Variants in DPY19L2 observed in about 807,000 individuals in gnomAD.
The protein encoded by DPY19L2 is probable C-mannosyltransferase DPY19L2.
In DPY19L2, 34 loss-of-function variants were observed where a neutral mutation model predicts 97.9. That is an observed-to-expected ratio of 0.35 (90% CI 0.26 to 0.46). The LOEUF (loss-of-function observed/expected upper bound fraction) is 0.46. Among genes scored for constraint, DPY19L2 ranks in the 20% least tolerant of loss-of-function variants. DPY19L2 has a pLI of 1.00. For synonymous variants in DPY19L2, 230 were observed against 307.9 expected (o/e 0.75, Z 2.65); for missense variants, 623 against 911.4 (o/e 0.68, Z 4.07).
intron 12 of DPY19L2, among the ~76,000 whole-genome samples, chr12:63,607,643 A>G (rs1886280543): frequency 6.6e-6 from 1 of 152,138 alleles, no homozygotes. Context: ...CTTTCAATAT[A>G]TAACATGTAA....
intron 16 of DPY19L2, among the ~76,000 whole-genome samples, chr12:63,592,750 C>T (rs1247063533): frequency 6.6e-6 from 1 of 151,466 alleles, no homozygotes; most frequent in Admixed American, 6.6e-5. Context: ...ATGTCTAAAA[C>T]ACCAAAAGCA....
rs140003085 is a variant in DPY19L2 at position 63,580,747 on chromosome 12, G to A, written c.1815C>T (p.Leu605=). 5.0e-6 allele frequency: 8 copies of A among 1,613,510 alleles called. No individual in the cohort carries two copies. The highest frequency in any genetic ancestry group is 5.9e-6 in the Non-Finnish European group (7 of 1,179,708). ...CTCCTATTATGCTCCATTGATTACG[G>A]AGGTTTGCATAACCTTGTATTGACA... The part of the protein sequence containing the change: ...TVMSIQGYAN[L]RNQWSIIGEF... Residue 605 remains leucine, a synonymous_variant, in exon 19 of 22, where the codon CTC becomes CTT. Transcript: ENST00000324472.
chr12:63,641,185 T>TGAGC (rs1189599601), intron 6 of DPY19L2, among the ~76,000 whole-genome samples: 6 of 152,086 alleles, frequency 3.9e-5, no homozygotes. Flanking sequence ...ATTACAGGAG[T>TGAGC]GAGCCACTGC....
chr12:63,617,225 T>A (rs1887989210), intron 11 of DPY19L2, 79 bp downstream of exon 11: 1 of 809,506 alleles, frequency 1.2e-6, no homozygotes, highest in Admixed American at 2.9e-5. Flanking sequence ...GCCTATTTAT[T>A]CTCTTATACC....
chr12:63,628,091 C>T (rs1481285082), intron 6 of DPY19L2, among the ~76,000 whole-genome samples: 4 of 152,082 alleles, frequency 2.6e-5, no homozygotes, highest in South Asian at 4.1e-4. Context: ...AGGGGTGGAG[C>T]CAAGATGGCC....
chr12:63,559,869 A>G lies in DPY19L2; in HGVS notation c.*643T>C, dbSNP rs1335458069. On this transcript the variant is annotated 3_prime_UTR_variant, in exon 22 of 22. Coordinates refer to ENST00000324472, the MANE Select transcript of DPY19L2 (RefSeq NM_173812.5). Reference sequence around the variant, plus strand: ...GATGGAGAACTAACCAGTGGCAAATATGTATCTAGTGGGGTAAACACATCT... The same window carrying G: ...GATGGAGAACTAACCAGTGGCAAATGTGTATCTAGTGGGGTAAACACATCT... 1 of 152,144 alleles carries G rather than the reference A, an allele frequency of 6.6e-6. No homozygotes were observed. Among genetic ancestry groups the G allele is most frequent in the Non-Finnish European group, 1.5e-5 (1 of 68,008 alleles). The allele number at this position is 152,144 out of a possible 1,614,324, so 9.4% of individuals were successfully genotyped here.
chr12:63,626,506 A>T lies in DPY19L2; in HGVS notation c.824T>A (p.Leu275His). The part of the protein sequence containing the change: ...AYLSGTQLGG[L>H]ITVLCFFFNH... ...GAAAAAGAAGCACAGTACTGTAATAAGACCTCCCAGTTGAGTCCCACTGTA... is the reference window on the plus strand; with the variant it reads ...GAAAAAGAAGCACAGTACTGTAATATGACCTCCCAGTTGAGTCCCACTGTA... Residue 275 changes from leucine (L) to histidine (H), a missense_variant, in exon 7 of 22, where the codon CTT becomes CAT. By Grantham distance (99) the Leu-to-His change is moderately conservative. Around this residue, in one of 6 missense-constraint regions of DPY19L2, gnomAD observed 67 missense variants for 88.0 expected, o/e 0.76. Coordinates refer to ENST00000324472, the MANE Select transcript of DPY19L2 (RefSeq NM_173812.5). 6.3e-7 allele frequency: 1 copy of T among 1,577,356 alleles called. No homozygotes were observed. The highest frequency in any genetic ancestry group is 8.6e-7 in the Non-Finnish European group (1 of 1,168,138).
At chr12:63,580,099 T>C (rs1297337221) in intron 19 of DPY19L2, among the ~76,000 whole-genome samples, 1 of 152,036 alleles carries the variant, frequency 6.6e-6, no homozygotes, top group Non-Finnish European at 1.5e-5. Flanking sequence ...AAAAGAAAAT[T>C]TTGGAGTATT....
At chr12:63,640,229 A>T (rs1892478676) in intron 6 of DPY19L2, among the ~76,000 whole-genome samples, 1 of 152,164 alleles carries the variant, frequency 6.6e-6, no homozygotes. Context: ...GAGGGATAGC[A>T]TTAGGAGATA....
intron 9 of DPY19L2, among the ~76,000 whole-genome samples, chr12:63,620,679 A>G (rs891831789): frequency 6.6e-6 from 1 of 152,186 alleles, no homozygotes; most frequent in East Asian, 1.9e-4. Flanking sequence ...ATATGGAAAC[A>G]ACCAAGTACA....
intron 19 of DPY19L2, among the ~76,000 whole-genome samples, chr12:63,576,137 A>G (rs1358105061): frequency 6.6e-6 from 1 of 152,024 alleles, no homozygotes; most frequent in African/African-American, 2.4e-5. Context: ...AGATAGTTCA[A>G]CGTAGCAAAT....
intron 8 of DPY19L2, among the ~76,000 whole-genome samples, chr12:63,622,178 CA>C (rs1161704812): frequency 6.6e-6 from 1 of 152,122 alleles, no homozygotes; most frequent in Non-Finnish European, 1.5e-5. Flanking sequence ...GAGTATAGCA[CA>C]TGCCCTCAAT....
intron 21 of DPY19L2, among the ~76,000 whole-genome samples, chr12:63,568,055 T>C (rs1475439810): frequency 6.6e-6 from 1 of 152,034 alleles, no homozygotes; most frequent in Non-Finnish European, 1.5e-5. Context: ...TTGGCCAACA[T>C]TTCTTCAATA....
At chr12:63,631,588 A>G (rs1353314514) in intron 6 of DPY19L2, among the ~76,000 whole-genome samples, 7 of 152,106 alleles carry the variant, frequency 4.6e-5, no homozygotes. Flanking sequence ...TACCAACCAA[A>G]AAAAGTCCAG....
intron 6 of DPY19L2, among the ~76,000 whole-genome samples, chr12:63,635,330 A>G (rs1333796566): frequency 2.0e-5 from 3 of 152,166 alleles, no homozygotes; most frequent in African/African-American, 7.2e-5. Context: ...AAAGATGGGG[A>G]GAAACCAGAG....
At chr12:63,641,884 T>C (rs1892752420) in intron 6 of DPY19L2, among the ~76,000 whole-genome samples, 1 of 152,170 alleles carries the variant, frequency 6.6e-6, no homozygotes, top group Admixed American at 6.5e-5. Flanking sequence ...TGTACACTGT[T>C]TACCAAAATA....
chr12:63,589,850 C>T (rs576396779), intron 16 of DPY19L2, among the ~76,000 whole-genome samples: 46 of 152,168 alleles, frequency 3.0e-4, no homozygotes, highest in African/African-American at 1.0e-3. Flanking sequence ...AACACATAGC[C>T]GGGCACAGTG....
At chr12:63,591,724 T>C (rs1882951631) in intron 16 of DPY19L2, among the ~76,000 whole-genome samples, 1 of 151,078 alleles carries the variant, frequency 6.6e-6, no homozygotes, top group South Asian at 2.1e-4. Flanking sequence ...CCTCTGAAAG[T>C]TAAAAAAGAA....
intron 4 of DPY19L2, among the ~76,000 whole-genome samples, chr12:63,649,627 A>G (rs1418158458): frequency 6.6e-6 from 1 of 152,136 alleles, no homozygotes; most frequent in African/African-American, 2.4e-5. Context: ...GATTTAACCA[A>G]GAAGAAATGA....
Sources: allele counts gnomAD v4.1 joint callset (sites outside exome capture counted in the v4.1 genomes callset), GRCh38; gene constraint gnomAD v4.1.1; regional missense constraint gnomAD v4.1.1; transcripts MANE v1.5; gene names NCBI Gene and HGNC (gene_info 2026-07-23, HGNC 2026-07-21).